Variants in ADGRL2 observed in about 807,000 individuals in gnomAD.
ADGRL2 encodes calcium-independent alpha-latrotoxin receptor 2.
Under a neutral mutation model 157.4 loss-of-function variants are expected in ADGRL2, and 44 were observed. The ratio of observed to expected loss-of-function variants is 0.28; its 90% CI spans 0.22 to 0.36. The LOEUF is 0.36. Among genes scored for constraint, ADGRL2 ranks in the 10% least tolerant of loss-of-function variants. ADGRL2 has a pLI of 1.00. For synonymous variants in ADGRL2, 585 were observed against 624.7 expected, an observed-to-expected ratio of 0.94 and a Z score of 0.95; for missense variants, 1,510 against 1,768.9, an observed-to-expected ratio of 0.85 and a Z score of 2.63.
At chr1:81,568,234 T>C (rs898105376) in intron 2 of ADGRL2, among the ~76,000 whole-genome samples, 3 of 152,104 alleles carry the variant, frequency 2.0e-5, no homozygotes, top group African/African-American at 7.2e-5. Flanking sequence ...AGAGGGATCA[T>C]TGTCTCTGAA....
chr1:81,379,489 A>T (rs984755223), intron 1 of ADGRL2, among the ~76,000 whole-genome samples: 3 of 152,196 alleles, frequency 2.0e-5, no homozygotes, highest in African/African-American at 7.2e-5. Flanking sequence ...ATGGGATCAC[A>T]CATGGGCTTA....
rs118080067 is a variant in ADGRL2 at position 81,333,105 on chromosome 1, G to A, written c.-302+26596G>A. Among the ~76,000 whole-genome samples, 209 of 152,208 alleles carry A rather than the reference G, an allele frequency of 1.4e-3. 1 individual carries two copies. The South Asian group carries it at 0.018, about 13-fold the overall frequency. The stretch of plus-strand genomic sequence containing the variant: ...TGTGGTTCACCATGTTGTAAAGTGA[G>A]GCTATTGGAATAAATCATTTAAAAG... On this transcript the variant is annotated intron_variant, in intron 1 of 24. Coordinates refer to the ADGRL2 transcript ENST00000370721.
chr1:81,545,130 A>G (rs1055298375), intron 2 of ADGRL2, among the ~76,000 whole-genome samples: 33 of 152,174 alleles, frequency 2.2e-4, no homozygotes, highest in African/African-American at 7.0e-4. Context: ...TTTATTTCTT[A>G]TAATCTCTAA....
intron 1 of ADGRL2, among the ~76,000 whole-genome samples, chr1:81,421,319 G>C (rs2077120553): frequency 6.6e-6 from 1 of 152,156 alleles, no homozygotes; most frequent in South Asian, 2.1e-4. Flanking sequence ...ATCATAACTA[G>C]AGATAAAGCT....
chr1:81,592,843 A>G (rs1173635302), intron 3 of ADGRL2, among the ~76,000 whole-genome samples: 1 of 152,024 alleles, frequency 6.6e-6, no homozygotes, highest in Non-Finnish European at 1.5e-5. Flanking sequence ...CATATTCCTT[A>G]TATCAGTAAA....
intron 2 of ADGRL2, among the ~76,000 whole-genome samples, chr1:81,893,931 C>T (rs1442991228): frequency 1.3e-5 from 2 of 152,098 alleles, no homozygotes; most frequent in African/African-American, 4.8e-5. Context: ...AAAATGGTAA[C>T]ACTGAAACCA....
chr1:81,429,648 A>G (rs916821213), intron 1 of ADGRL2, among the ~76,000 whole-genome samples: 1 of 152,204 alleles, frequency 6.6e-6, no homozygotes, highest in African/African-American at 2.4e-5. Context: ...CTTTCTTAAA[A>G]CAATGGTTTC....
chr1:81,515,462 T>C (rs1425295719), intron 2 of ADGRL2, among the ~76,000 whole-genome samples: 1 of 136,928 alleles, frequency 7.3e-6, no homozygotes, highest in Non-Finnish European at 1.5e-5. Context: ...AAAAAAAAAG[T>C]CTTCTGTTAG....
intron 2 of ADGRL2, among the ~76,000 whole-genome samples, chr1:81,542,910 G>T (rs956148774): frequency 9.9e-5 from 15 of 151,862 alleles, no homozygotes; most frequent in Admixed American, 6.6e-4. Flanking sequence ...TGGGAAACTG[G>T]TGTCTTTGGA....
Position 81,837,052 on chromosome 1 carries a change from C to T in ADGRL2, c.68C>T (p.Thr23Ile). 1 of 1,577,530 alleles carries T rather than the reference C, an allele frequency of 6.3e-7. No homozygotes were observed. Among genetic ancestry groups the T allele is most frequent in the Non-Finnish European group, 8.6e-7 (1 of 1,160,888 alleles). Residue 23 changes from threonine to isoleucine, a missense_variant, in exon 2 of 24, where the codon ACA becomes ATA. Coordinates refer to ENST00000686636, the MANE Select transcript of ADGRL2 (RefSeq NM_001366006.2). Reference protein sequence around the residue: ...FIIVISFLPNTEGFSRAALPF... With the variant: ...FIIVISFLPNIEGFSRAALPF... ...ATTGTAATCAGCTTCTTACCAAATA[C>T]AGAAGGTAAGATCCAGTTTACATTT... is the stretch of plus-strand genomic sequence containing the variant.
intron 1 of ADGRL2, among the ~76,000 whole-genome samples, chr1:81,326,945 C>T (rs919071482): frequency 7.2e-5 from 11 of 152,132 alleles, no homozygotes; most frequent in Non-Finnish European, 1.3e-4. Flanking sequence ...GATTATTTTT[C>T]CAGTTCCTCT....
chr1:81,599,460 C>G (rs1047657712), intron 3 of ADGRL2, among the ~76,000 whole-genome samples: 1 of 152,120 alleles, frequency 6.6e-6, no homozygotes, highest in Non-Finnish European at 1.5e-5. Context: ...TGAGTGCCAC[C>G]TTTACCCCAC....
chr1:81,315,465 G>T (rs1166823806), intron 1 of ADGRL2, among the ~76,000 whole-genome samples: 1 of 152,028 alleles, frequency 6.6e-6, no homozygotes, highest in Non-Finnish European at 1.5e-5. Flanking sequence ...GTTTAGAAAT[G>T]ACATAATGAC....
intron 1 of ADGRL2, among the ~76,000 whole-genome samples, chr1:81,803,510 T>C (rs1375504166): frequency 6.6e-6 from 1 of 152,096 alleles, no homozygotes; most frequent in East Asian, 1.9e-4. Context: ...GTATCTATCA[T>C]AGCCTTTCTC....
chr1:81,939,702 G>A (rs1647218729), intron 4 of ADGRL2, among the ~76,000 whole-genome samples: 1 of 151,190 alleles, frequency 6.6e-6, no homozygotes, highest in African/African-American at 2.4e-5. Context: ...TAATTCATAC[G>A]GCTCTTAAGA....
At chr1:81,545,292 T>A (rs1466360089) in intron 2 of ADGRL2, among the ~76,000 whole-genome samples, 1 of 151,854 alleles carries the variant, frequency 6.6e-6, no homozygotes, top group Admixed American at 6.6e-5. Flanking sequence ...ACTGAACTTT[T>A]TTTTTTTTTT....
chr1:81,380,025 A>C (rs1478051310), intron 1 of ADGRL2, among the ~76,000 whole-genome samples: 1 of 152,096 alleles, frequency 6.6e-6, no homozygotes, highest in Non-Finnish European at 1.5e-5. Context: ...CTCCCTTATC[A>C]GTAAAACCTG....
At chr1:81,344,198 A>T (rs2100784752) in intron 1 of ADGRL2, among the ~76,000 whole-genome samples, 1 of 152,204 alleles carries the variant, frequency 6.6e-6, no homozygotes, top group South Asian at 2.1e-4. Context: ...CCTCCCAAAT[A>T]GCTTGGATTA....
chr1:81,528,666 A>G (rs1279217037), intron 2 of ADGRL2, among the ~76,000 whole-genome samples: 4 of 150,640 alleles, frequency 2.7e-5, no homozygotes, highest in South Asian at 2.1e-4. Flanking sequence ...AAAAAAAAAA[A>G]AAAAAAAAAG....
Sources: gnomAD v4.1 joint callset for allele counts (sites outside exome capture counted in the v4.1 genomes callset) on GRCh38, gnomAD v4.1.1 for gene constraint, MANE v1.5 for transcripts, NCBI Gene and HGNC (gene_info 2026-07-23, HGNC 2026-07-21) for gene names.